Variants in NKAIN2 observed in about 807,000 individuals in gnomAD.
NKAIN2 encodes sodium/potassium-transporting ATPase subunit beta-1-interacting protein 2.
In NKAIN2, 14 loss-of-function variants were observed where a neutral mutation model predicts 32.6. That is an observed-to-expected ratio of 0.43 (90% CI 0.28 to 0.67). The LOEUF (loss-of-function observed/expected upper bound fraction) is 0.67, where lower values mean the gene tolerates loss of function less well. NKAIN2 is among the 30% of genes least tolerant of loss of function. The probability of loss-of-function intolerance (pLI) is 0.17; values close to 1 mark genes in which losing one functional copy is unlikely to be tolerated. For missense variants in NKAIN2, 198 were observed against 258.3 expected, an observed-to-expected ratio of 0.77 and a Z score of 1.60; for synonymous variants, 80 against 87.2, an observed-to-expected ratio of 0.92 and a Z score of 0.46.
intron 5 of NKAIN2, among the ~76,000 whole-genome samples, chr6:124,817,471 C>T (rs985078431): frequency 3.9e-5 from 6 of 152,096 alleles, no homozygotes; most frequent in Admixed American, 1.3e-4. Flanking sequence ...TCTCTCCATG[C>T]GGGCTAGCTT....
At chr6:123,888,984 A>G (rs1352271490) in intron 1 of NKAIN2, among the ~76,000 whole-genome samples, 1 of 152,140 alleles carries the variant, frequency 6.6e-6, no homozygotes, top group South Asian at 2.1e-4. Context: ...GAGCTGTATC[A>G]TGTACTTTCA....
At chr6:124,348,282 G>A (rs902202706) in intron 2 of NKAIN2, among the ~76,000 whole-genome samples, 3 of 151,940 alleles carry the variant, frequency 2.0e-5, no homozygotes, top group African/African-American at 7.3e-5. Flanking sequence ...GGGGTCAGGG[G>A]TCAGGGGCCC....
At chr6:124,028,734 CACGTAT>C (rs1562317016) in intron 1 of NKAIN2, among the ~76,000 whole-genome samples, 14 of 142,752 alleles carry the variant, frequency 9.8e-5, no homozygotes, top group Non-Finnish European at 7.4e-5. Context: ...TACGTGTATA[CACGTAT>C]ATATGTGTAT....
At chr6:124,283,215 A>G (rs1043496275) in intron 2 of NKAIN2, 73 bp downstream of exon 2, 1 of 1,007,424 alleles carries the variant, frequency 9.9e-7, no homozygotes, top group African/African-American at 1.6e-5. Context: ...ATGCCTTGAA[A>G]ACTTATGTGT....
intron 3 of NKAIN2, among the ~76,000 whole-genome samples, chr6:124,573,473 A>C (rs1781211387): frequency 6.7e-6 from 1 of 148,468 alleles, no homozygotes. Context: ...CTCATATCTT[A>C]TCTCTTTTTC....
chr6:124,394,239 ATAAAATGGCTGGGTTATG>A (rs1773263924), intron 3 of NKAIN2, among the ~76,000 whole-genome samples: 1 of 152,180 alleles, frequency 6.6e-6, no homozygotes, highest in Admixed American at 6.6e-5. Flanking sequence ...GAGATCATCT[ATAAAATGGCTGGGTTATG>A]TTTTCTCCAG....
intron 1 of NKAIN2, among the ~76,000 whole-genome samples, chr6:124,194,612 A>G (rs1434708522): frequency 6.6e-6 from 1 of 151,748 alleles, no homozygotes; most frequent in Admixed American, 6.6e-5. Flanking sequence ...TTCACATGTT[A>G]TTTTATGATT....
chr6:124,559,604 G>A (rs1780610084), intron 3 of NKAIN2, among the ~76,000 whole-genome samples: 3 of 152,106 alleles, frequency 2.0e-5, no homozygotes, highest in Admixed American at 1.3e-4. Context: ...TGGGCAATGT[G>A]ATTCTCTTTG....
At position 124,137,663 on chromosome 6, in the gene NKAIN2, G is replaced by T. The variant is rs7744723; in HGVS notation, c.55-145342G>T. Among the ~76,000 whole-genome samples the T allele has an allele frequency of 2.4e-3, 358 of 152,098 alleles. 3 individuals carry two copies. The highest frequency in any genetic ancestry group is 8.3e-3 in the African/African-American group (344 of 41,504). On this transcript the variant is annotated intron_variant, in intron 1 of 6. Coordinates refer to ENST00000368417, the MANE Select transcript of NKAIN2 (RefSeq NM_001040214.3). ...CAGCATGTTACCAATAAAAAGATAGGTATATAGACTAACGGAATATAATAG... is the reference window on the plus strand; with the variant it reads ...CAGCATGTTACCAATAAAAAGATAGTTATATAGACTAACGGAATATAATAG...
intron 1 of NKAIN2, among the ~76,000 whole-genome samples, chr6:123,962,812 C>T (rs1377330926): frequency 6.6e-6 from 1 of 152,134 alleles, no homozygotes; most frequent in Non-Finnish European, 1.5e-5. Context: ...TTATGATTAC[C>T]CTGCTAACGC....
chr6:123,850,371 T>TAC (rs35458452), intron 1 of NKAIN2, among the ~76,000 whole-genome samples: 2,301 of 140,146 alleles, frequency 0.016, 33 homozygotes, highest in Non-Finnish European at 0.025. Context: ...TATATATATA[T>TAC]ACACACACAC....
chr6:124,482,856 T>G (rs1777505154), intron 3 of NKAIN2, among the ~76,000 whole-genome samples: 1 of 152,186 alleles, frequency 6.6e-6, no homozygotes. Flanking sequence ...ATGTGGTGGC[T>G]GGGCGCGGTG....
chr6:124,406,728 C>T (rs146760091), intron 3 of NKAIN2, among the ~76,000 whole-genome samples: 260 of 152,176 alleles, frequency 1.7e-3, no homozygotes, highest in African/African-American at 6.0e-3. Flanking sequence ...ATTTTCTCTG[C>T]ATCATTGACA....
intron 1 of NKAIN2, among the ~76,000 whole-genome samples, chr6:124,109,175 C>G (rs966674053): frequency 3.3e-5 from 5 of 151,984 alleles, no homozygotes; most frequent in Middle Eastern, 3.4e-3. Flanking sequence ...ATTAAGTCTT[C>G]CAGTCTTTGG....
chr6:124,062,448 AGACAG>A lies in NKAIN2; in HGVS notation c.55-220554_55-220550del, dbSNP rs1270982671. ...TGTTGTTATTGTTGTTGTTATTTTG[AGACAG>A]GATCTCACTCTGTTGCCCAGGCTGG... On this transcript the variant is annotated intron_variant, in intron 1 of 6. Coordinates refer to ENST00000368417, the MANE Select transcript of NKAIN2 (RefSeq NM_001040214.3). Among the ~76,000 whole-genome samples, 13 of 152,254 alleles carry A rather than the reference AGACAG, an allele frequency of 8.5e-5. No homozygotes were observed. In the East Asian group the frequency reaches 1.7e-3, roughly 20 times the overall value.
At chr6:123,918,846 A>T (rs888052604) in intron 1 of NKAIN2, among the ~76,000 whole-genome samples, 6 of 152,170 alleles carry the variant, frequency 3.9e-5, no homozygotes, top group African/African-American at 1.4e-4. Context: ...TGCTTCCTTG[A>T]ATTTTAGCTT....
At chr6:124,606,313 C>T (rs1395988592) in intron 3 of NKAIN2, among the ~76,000 whole-genome samples, 1 of 151,596 alleles carries the variant, frequency 6.6e-6, no homozygotes, top group African/African-American at 2.4e-5. Flanking sequence ...TTCATGTCAA[C>T]CACATTTTTT....
chr6:124,277,048 A>C (rs556152378), intron 1 of NKAIN2, among the ~76,000 whole-genome samples: 1 of 152,184 alleles, frequency 6.6e-6, no homozygotes, highest in Non-Finnish European at 1.5e-5. Flanking sequence ...CCTGAATCCA[A>C]GGCAAAATCA....
At chr6:124,384,615 C>T (rs1033352622) in intron 3 of NKAIN2, among the ~76,000 whole-genome samples, 1 of 148,248 alleles carries the variant, frequency 6.7e-6, no homozygotes, top group Non-Finnish European at 1.5e-5. Context: ...TAGTTTGACT[C>T]TCTTGCACAC....
Sources: allele counts gnomAD v4.1 joint callset (sites outside exome capture counted in the v4.1 genomes callset), GRCh38; gene constraint gnomAD v4.1.1; transcripts MANE v1.5; gene names NCBI Gene and HGNC (gene_info 2026-07-23, HGNC 2026-07-21).